Variants in MORC1 observed in about 807,000 individuals in gnomAD.
MORC1 encodes MORC family CW-type zinc finger 1, also known as MORC family CW-type zinc finger protein 1.
A neutral mutation model predicts 134.9 loss-of-function variants in MORC1; 59 were observed. The observed-to-expected ratio is 0.44, with a 90% CI of 0.35 to 0.54. The LOEUF is 0.54. Ranked by LOEUF, MORC1 falls within the 20% of genes least tolerant of loss-of-function variation. The pLI, the probability that MORC1 is intolerant of heterozygous loss-of-function variation, is 0.00. For synonymous variants in MORC1, 395 were observed against 391.7 expected, an observed-to-expected ratio of 1.01 and a Z score of -0.10; for missense variants, 947 against 1,134.5, an observed-to-expected ratio of 0.83 and a Z score of 2.37.
chr3:108,964,440 T>C (rs1310775528), intron 26 of MORC1, among the ~76,000 whole-genome samples: 3 of 152,186 alleles, frequency 2.0e-5, no homozygotes, highest in African/African-American at 7.2e-5. Flanking sequence ...AGTTGTAAGG[T>C]AGCCTCATTT....
chr3:109,035,141 T>C (rs1044893860), intron 15 of MORC1, among the ~76,000 whole-genome samples, 199 bp downstream of exon 15: 2 of 152,316 alleles, frequency 1.3e-5, no homozygotes, highest in Admixed American at 6.5e-5. Flanking sequence ...CAAATAATTA[T>C]TTGTCTCTAG....
intron 17 of MORC1, among the ~76,000 whole-genome samples, chr3:109,010,545 G>A (rs1036565165): frequency 2.6e-5 from 4 of 151,698 alleles, no homozygotes; most frequent in Non-Finnish European, 5.9e-5. Flanking sequence ...TATAGTTGAC[G>A]AACAAATAAC....
chr3:109,111,273 A>G (rs1446685641), intron 2 of MORC1, among the ~76,000 whole-genome samples: 1 of 152,200 alleles, frequency 6.6e-6, no homozygotes, highest in Non-Finnish European at 1.5e-5. Context: ...ACGGACCAAA[A>G]TGGCCCATCA....
At chr3:109,108,989 T>C (rs981221379) in intron 3 of MORC1, among the ~76,000 whole-genome samples, 1 of 152,098 alleles carries the variant, frequency 6.6e-6, no homozygotes, top group African/African-American at 2.4e-5. Context: ...AGAAAAAACC[T>C]TGGTATGGTA....
At chr3:109,104,025 G>T in intron 3 of MORC1, 108 bp from the exon 4 acceptor site, 2 of 1,019,170 alleles carry the variant, frequency 2.0e-6, no homozygotes, top group Non-Finnish European at 3.0e-6. Context: ...GCCACAGAGT[G>T]ACAGAGTTAT....
At chr3:109,024,908 A>C (rs1372809489) in intron 17 of MORC1, among the ~76,000 whole-genome samples, 1 of 152,192 alleles carries the variant, frequency 6.6e-6, no homozygotes, top group Non-Finnish European at 1.5e-5. Flanking sequence ...ACATTCCAAA[A>C]CTACTTCTAA....
At chr3:108,974,612 T>C (rs1448399707) in intron 24 of MORC1, among the ~76,000 whole-genome samples, 1 of 152,212 alleles carries the variant, frequency 6.6e-6, no homozygotes, top group Non-Finnish European at 1.5e-5. Context: ...ATTAAGTAGA[T>C]GCACTTGGGG....
intron 8 of MORC1, among the ~76,000 whole-genome samples, chr3:109,086,214 T>C (rs1950613619): frequency 6.6e-6 from 1 of 152,028 alleles, no homozygotes; most frequent in South Asian, 2.1e-4. Context: ...TGTGGTACAA[T>C]TCAAAATAGC....
intron 16 of MORC1, among the ~76,000 whole-genome samples, chr3:109,028,151 C>T (rs1949133545): frequency 6.6e-6 from 1 of 152,120 alleles, no homozygotes; most frequent in African/African-American, 2.4e-5. Context: ...ATTGCTAATG[C>T]TTCACTTATT....
chr3:109,040,149 T>C (rs555868998), intron 14 of MORC1, among the ~76,000 whole-genome samples: 1 of 151,558 alleles, frequency 6.6e-6, no homozygotes, highest in Admixed American at 6.6e-5. Flanking sequence ...GAAGAGACTC[T>C]GATTTCCGGA....
chr3:109,043,178 TGGCAAAATGTG>T (rs71129019), intron 14 of MORC1, among the ~76,000 whole-genome samples: 4,675 of 30,768 alleles, frequency 0.15, 133 homozygotes, highest in Middle Eastern at 0.4. Flanking sequence ...AAGCAAAATG[TGGCAAAATGTG>T]GGGGGGGGGG....
rs548013274 is a variant in MORC1 at position 109,003,197 on chromosome 3, CAT to C, written c.2085+1618_2085+1619del. On this transcript the variant is annotated intron_variant, in intron 20 of 27. Coordinates refer to ENST00000232603, the MANE Select transcript of MORC1 (RefSeq NM_014429.4). ...CTGTAAGTTTGATGGTGGCAAAAACCATATGTGGTTTTATTAGCAAATCTCCT... is the reference window on the plus strand; with the variant it reads ...CTGTAAGTTTGATGGTGGCAAAAACCATGTGGTTTTATTAGCAAATCTCCT... Among the ~76,000 whole-genome samples, 641 of 151,758 alleles carry C rather than the reference CAT, an allele frequency of 4.2e-3. 1 individual carries two copies. Among genetic ancestry groups the C allele is most frequent in the African/African-American group, 5.0e-3 (208 of 41,330 alleles).
At chr3:108,969,527 A>G in intron 26 of MORC1, 142 bp downstream of exon 26, 1 of 744,750 alleles carries the variant, frequency 1.3e-6, no homozygotes, top group Non-Finnish European at 2.3e-6. Flanking sequence ...GACACCTGAT[A>G]AGCTATACAT....
intron 21 of MORC1, among the ~76,000 whole-genome samples, chr3:108,994,911 T>A (rs950655867): frequency 2.6e-5 from 4 of 152,206 alleles, no homozygotes; most frequent in Non-Finnish European, 4.4e-5. Context: ...TCTGTGTGGT[T>A]ACTTCTTACC....
rs146574262 is a variant in MORC1 at position 108,973,677 on chromosome 3, T to G, written c.2478-2275A>C. Among the ~76,000 whole-genome samples, 267 of 145,372 alleles carry G rather than the reference T, an allele frequency of 1.8e-3. 2 individuals are homozygous for G. The highest frequency in any genetic ancestry group is 5.9e-3 in the African/African-American group (235 of 40,092). On this transcript the variant is annotated intron_variant, in intron 24 of 27. Transcript: ENST00000232603. ...TGGTGCGTGATCTCAGCTCACTGCA[T>G]CCTCGGCCTCCTGGGCTCAAGTAAT... is the stretch of plus-strand genomic sequence containing the variant.
At chr3:109,114,806 CT>C (rs1951236080) in intron 1 of MORC1, among the ~76,000 whole-genome samples, 2 of 152,228 alleles carry the variant, frequency 1.3e-5, no homozygotes, top group Admixed American at 1.3e-4. Context: ...CAAGATATTT[CT>C]GAAGAATACT....
At chr3:109,038,395 C>A (rs1435284572) in intron 14 of MORC1, among the ~76,000 whole-genome samples, 2 of 151,600 alleles carry the variant, frequency 1.3e-5, no homozygotes, top group Non-Finnish European at 2.9e-5. Context: ...GTTGCCTGTT[C>A]ACTCTGATGG....
At chr3:109,025,379 CTTTTTTTTTTTTTTTT>C (rs63701060) in intron 17 of MORC1, among the ~76,000 whole-genome samples, 1 of 105,100 alleles carries the variant, frequency 9.5e-6, no homozygotes, top group African/African-American at 3.7e-5. Flanking sequence ...TTTCTTTTTT[CTTTTTTTTTTTTTTTT>C]TTTTTTTTTT....
At chr3:108,996,308 A>ACACACACACACACACACACACACACACAC (rs1553745343) in intron 21 of MORC1, among the ~76,000 whole-genome samples, 4 of 151,326 alleles carry the variant, frequency 2.6e-5, no homozygotes, top group African/African-American at 7.3e-5. Context: ...ACACACACAC[A>ACACACACACACACACACACACACACACAC]ACTAGAATTT....
Sources: allele counts gnomAD v4.1 joint callset (sites outside exome capture counted in the v4.1 genomes callset), GRCh38; gene constraint gnomAD v4.1.1; transcripts MANE v1.5; gene names NCBI Gene and HGNC (gene_info 2026-07-23, HGNC 2026-07-21).